The following C4orf50 variants were observed in gnomAD, a reference collection of about 807,000 sequenced individuals.
C4orf50 encodes the protein chromosome 4 open reading frame 50, also known as uncharacterized protein C4orf50.
Under a neutral mutation model 77.2 loss-of-function variants are expected in C4orf50, and 80 were observed. The observed-to-expected ratio is 1.04, with a 90% CI of 0.87 to 1.25. The LOEUF is 1.25. Ranked by LOEUF, C4orf50 falls within the 50% of genes most tolerant of loss-of-function variation. C4orf50 has a pLI of 0.00. For missense variants in C4orf50, 1,257 were observed against 1,152.9 expected (o/e 1.09, Z -1.31); for synonymous variants, 532 against 465.3 (o/e 1.14, Z -1.84).
downstream of C4orf50, among the ~76,000 whole-genome samples, chr4:5,953,471 C>A (rs138212852): frequency 6.6e-5 from 10 of 152,324 alleles, no homozygotes; most frequent in East Asian, 1.7e-3. Flanking sequence ...GGTGGAGTCA[C>A]AGTAACTTCC....
intron 7 of C4orf50, among the ~76,000 whole-genome samples, chr4:5,935,654 C>T (rs1459878137): frequency 6.6e-6 from 1 of 151,742 alleles, no homozygotes; most frequent in Non-Finnish European, 1.5e-5. Flanking sequence ...GGTGTGGTGG[C>T]GGGCGCCTAT....
At position 6,008,104 on chromosome 4, in the gene C4orf50, C is replaced by T; in HGVS notation, c.855G>A (p.Leu285=). The T allele has an allele frequency of 5.0e-6, 2 of 399,152 alleles. No homozygotes were observed. The highest frequency in any genetic ancestry group is 8.8e-6 in the Non-Finnish European group (2 of 226,144). 24.7% of individuals were successfully genotyped at this position (399,152 alleles called of 1,614,324 possible). ...CCTGCAGGCCAATCTCTGACAGCTT[C>T]AGCCCATAGATGCAGCAGCGCAGCT... The change falls in exon 25 of 34, where the codon CTG becomes CTA. Residue 285 remains leucine, a synonymous_variant. Coordinates refer to ENST00000531445, the Ensembl canonical transcript of C4orf50. The surrounding 1 kb of genome is among the most constrained non-coding windows in gnomAD (Gnocchi z 6.0).
At position 5,908,094 on chromosome 4, in the gene C4orf50, C is replaced by T. The variant is rs922201934; in HGVS notation, c.*2475-9906G>A. On this transcript the variant is annotated intron_variant, in intron 7 of 7. Coordinates refer to the C4orf50 transcript ENST00000324058. This position sits in a 1 kb window ranked among gnomAD's most constrained non-coding sequence, Gnocchi z 5.6. The stretch of plus-strand genomic sequence containing the variant: ...GTTTATTCATTCACTCATTTATTTG[C>T]TCATTTTTAAGTACCTACTATATGC... 1.1e-4 allele frequency among the ~76,000 whole-genome samples: 17 copies of T among 152,102 alleles called. No homozygotes were observed. Among genetic ancestry groups the T allele is most frequent in the Non-Finnish European group, 2.1e-4 (14 of 68,020 alleles).
chr4:6,003,516 T>C, intron 25 of C4orf50, among the ~76,000 whole-genome samples: 1 of 123,736 alleles, frequency 8.1e-6, no homozygotes, highest in African/African-American at 3.0e-5. Flanking sequence ...ATGGTGATGG[T>C]GATGATGATG....
intron 25 of C4orf50, among the ~76,000 whole-genome samples, chr4:6,006,084 A>G (rs1722240619): frequency 6.6e-6 from 1 of 152,234 alleles, no homozygotes; most frequent in African/African-American, 2.4e-5. Context: ...TATCTGATGA[A>G]CATAAGGAGG....
chr4:5,965,090 A>C, exon 33 of C4orf50: 1 of 1,613,868 alleles, frequency 6.2e-7, no homozygotes, highest in Non-Finnish European at 8.5e-7. Context: ...AGGACTCTGA[A>C]GACAATGAGC....
chr4:5,955,543 C>G (rs903990027), downstream of C4orf50, among the ~76,000 whole-genome samples: 2 of 152,220 alleles, frequency 1.3e-5, no homozygotes, highest in Non-Finnish European at 2.9e-5. This position sits in a 1 kb window ranked among gnomAD's most constrained non-coding sequence, Gnocchi z 5.1. Context: ...CTGAAGGGGT[C>G]TGGGCAGAGG....
At chr4:5,941,234 A>C (rs73210745) in intron 7 of C4orf50, among the ~76,000 whole-genome samples, 26,808 of 152,158 alleles carry the variant, frequency 0.18, 3,006 homozygotes, top group Non-Finnish European at 0.24. Flanking sequence ...ATAAGTTTAA[A>C]GCTCTTGTCA....
downstream of C4orf50, among the ~76,000 whole-genome samples, chr4:5,954,754 G>A (rs755434296): frequency 7.9e-5 from 12 of 152,136 alleles, no homozygotes; most frequent in Non-Finnish European, 1.6e-4. This position sits in a 1 kb window ranked among gnomAD's most constrained non-coding sequence, Gnocchi z 4.7. Flanking sequence ...AATGGAAGAC[G>A]CCCAGCTCAG....
intron 7 of C4orf50, among the ~76,000 whole-genome samples, chr4:5,906,331 T>C (rs895308948): frequency 6.6e-6 from 1 of 151,994 alleles, no homozygotes; most frequent in Non-Finnish European, 1.5e-5. Flanking sequence ...TGTCTGGAGA[T>C]GGTGACATTC....
rs1430180047 is a variant in C4orf50 at position 5,919,202 on chromosome 4, C to T, written c.*2475-21014G>A. ...TCTCATTCAGGGCCCCTGGCTGTGC[C>T]ATTTCCGGAGCTGAATGTATTCAGG... is the stretch of plus-strand genomic sequence containing the variant. On this transcript the variant is annotated intron_variant, in intron 7 of 7. Coordinates refer to the C4orf50 transcript ENST00000324058. This position sits in a 1 kb window ranked among gnomAD's most constrained non-coding sequence, Gnocchi z 6.5. Among the ~76,000 whole-genome samples, 1 of 152,158 alleles carries T rather than the reference C, an allele frequency of 6.6e-6. No homozygotes were observed. Among genetic ancestry groups the T allele is most frequent in the Non-Finnish European group, 1.5e-5 (1 of 68,032 alleles).
intron 23 of C4orf50, among the ~76,000 whole-genome samples, chr4:6,013,970 G>A (rs1266109233): frequency 6.6e-6 from 1 of 151,820 alleles, no homozygotes; most frequent in Non-Finnish European, 1.5e-5. Flanking sequence ...AGTGACAAGT[G>A]TGGATGATAC....
chr4:5,990,217 G>A (rs1224399709), exon 28 of C4orf50: 7 of 1,244,310 alleles, frequency 5.6e-6, no homozygotes, highest in African/African-American at 4.6e-5. Context: ...GGCGGCCTTA[G>A]TCTCTGAAGC....
chr4:6,004,348 A>T (rs1408333676), intron 25 of C4orf50, among the ~76,000 whole-genome samples: 1 of 97,950 alleles, frequency 1.0e-5, no homozygotes. Context: ...GATGGTGATG[A>T]TGACGGTGAT....
intron 27 of C4orf50, among the ~76,000 whole-genome samples, chr4:5,991,715 A>G (rs984291357): frequency 2.0e-5 from 3 of 152,124 alleles, no homozygotes; most frequent in Admixed American, 2.0e-4. Flanking sequence ...AGCAGGTCTA[A>G]GACACAGAAG....
chr4:5,922,020 C>T (rs1328291458), intron 7 of C4orf50, among the ~76,000 whole-genome samples: 1 of 152,172 alleles, frequency 6.6e-6, no homozygotes, highest in African/African-American at 2.4e-5. Flanking sequence ...CCTGCTCTGC[C>T]CCCAGTATGC....
At chr4:5,933,708 C>G (rs989124271) in intron 7 of C4orf50, among the ~76,000 whole-genome samples, 6 of 152,046 alleles carry the variant, frequency 3.9e-5, no homozygotes, top group Admixed American at 2.0e-4. Flanking sequence ...AGCTCGGGTG[C>G]CCATGGGAAA....
intron 7 of C4orf50, among the ~76,000 whole-genome samples, chr4:5,951,416 T>C (rs79578768): frequency 0.067 from 10,219 of 152,184 alleles, 932 homozygotes; most frequent in African/African-American, 0.2. Flanking sequence ...GTTATGTCAC[T>C]TTAGATCCCA....
chr4:5,933,213 A>T (rs539616023), intron 7 of C4orf50, among the ~76,000 whole-genome samples: 36 of 152,332 alleles, frequency 2.4e-4, no homozygotes, highest in African/African-American at 8.2e-4. Flanking sequence ...GCTGGGATGC[A>T]TGTGAAAACA....
Sources: allele counts gnomAD v4.1 joint callset (sites outside exome capture counted in the v4.1 genomes callset), GRCh38; gene constraint gnomAD v4.1.1; non-coding constraint Gnocchi (gnomAD v3.1); transcripts MANE v1.5; gene names NCBI Gene and HGNC (gene_info 2026-07-23, HGNC 2026-07-21).